The following CACNA1B variants were observed in gnomAD, a reference collection of about 807,000 sequenced individuals.
CACNA1B encodes the protein voltage-dependent N-type calcium channel subunit alpha-1B.
A neutral mutation model predicts 247.2 loss-of-function variants in CACNA1B; 70 were observed. The ratio of observed to expected loss-of-function variants is 0.28; its 90% CI spans 0.23 to 0.35. The LOEUF (loss-of-function observed/expected upper bound fraction) is 0.35. Ranked by LOEUF, CACNA1B falls within the 10% of genes least tolerant of loss-of-function variation. The pLI is 1.00. For synonymous variants in CACNA1B, 1,231 were observed against 1,294.4 expected (o/e 0.95, Z 1.05); for missense variants, 2,367 against 3,197.4 (o/e 0.74, Z 6.26).
intron 43 of CACNA1B, 66 bp from the exon 44 acceptor site, chr9:138,118,586 C>A (rs778402217): frequency 1.3e-5 from 10 of 772,668 alleles, no homozygotes; most frequent in Non-Finnish European, 1.7e-5. Flanking sequence ...GGAGTGAGTC[C>A]GGGGTGGGAT....
intron 3 of CACNA1B, among the ~76,000 whole-genome samples, chr9:137,906,639 G>A (rs1831157307): frequency 6.6e-6 from 1 of 151,846 alleles, no homozygotes; most frequent in Admixed American, 6.6e-5. Flanking sequence ...ATGCCCATGT[G>A]ATGTCTTATT....
intron 19 of CACNA1B, among the ~76,000 whole-genome samples, chr9:138,024,531 A>C (rs1210166772): frequency 1.3e-5 from 2 of 152,182 alleles, no homozygotes; most frequent in Non-Finnish European, 2.9e-5. Context: ...TAATTTAAAA[A>C]ACGTACAGAA....
chr9:138,042,025 C>T (rs1959130448), intron 20 of CACNA1B, among the ~76,000 whole-genome samples: 1 of 152,198 alleles, frequency 6.6e-6, no homozygotes, highest in African/African-American at 2.4e-5. Flanking sequence ...CCCACCTTGG[C>T]CTCCCAACGT....
chr9:137,906,613 A>G (rs994942595), intron 3 of CACNA1B, among the ~76,000 whole-genome samples: 1 of 147,076 alleles, frequency 6.8e-6, no homozygotes, highest in African/African-American at 2.5e-5. Flanking sequence ...ATGTCTTAAC[A>G]TACATGTTCC....
intron 31 of CACNA1B, among the ~76,000 whole-genome samples, chr9:138,064,337 C>T (rs1289288721): frequency 1.3e-5 from 2 of 152,162 alleles, no homozygotes; most frequent in African/African-American, 4.8e-5. Flanking sequence ...TGTCTGGACT[C>T]CTTCTTGTGT....
intron 15 of CACNA1B, among the ~76,000 whole-genome samples, chr9:137,991,326 A>G (rs1958429972): frequency 6.6e-6 from 1 of 152,244 alleles, no homozygotes; most frequent in South Asian, 2.1e-4. Flanking sequence ...AGCTGAAGAA[A>G]GAACTTCAGA....
In CACNA1B at chr9:138,059,861, A is replaced by G. The variant is rs948776425; in HGVS notation, c.4668+124A>G. ...CTGGGTTCCGCAGAACCCCCTGGAC[A>G]TGTGGAGGCTTCGCTCCAGGGGTGG... is the stretch of plus-strand genomic sequence containing the variant. On this transcript the variant is annotated intron_variant, in intron 31 of 46. Transcript: ENST00000371372. The surrounding 1 kb of genome is among the most constrained non-coding windows in gnomAD (Gnocchi z 4.2). 1.5e-5 allele frequency: 10 copies of G among 663,440 alleles called. No individual in the cohort carries two copies. Among genetic ancestry groups the G allele is most frequent in the African/African-American group, 3.6e-5 (2 of 55,284 alleles). 41.1% of individuals were successfully genotyped at this position (663,440 alleles called of 1,614,324 possible). A position where few individuals can be genotyped will look rare whatever the true frequency, so the allele number is the denominator to read the frequency against.
Position 138,012,797 on chromosome 9 carries a change from C to A in CACNA1B, c.2161-332C>A, listed in dbSNP as rs141685394. 6.6e-6 allele frequency among the ~76,000 whole-genome samples: 1 copy of A among 151,752 alleles called. No individual in the cohort carries two copies. Among genetic ancestry groups the A allele is most frequent in the Non-Finnish European group, 1.5e-5 (1 of 67,968 alleles). ...GTGGCTGGGTACCTGGGTTAGAGCT[C>A]AGAGTAAGGTCAGGATAGCACAGAG... is the stretch of plus-strand genomic sequence containing the variant. On this transcript the variant is annotated intron_variant, in intron 17 of 46. Coordinates refer to ENST00000371372, the MANE Select transcript of CACNA1B (RefSeq NM_000718.4). This position sits in a 1 kb window ranked among gnomAD's most constrained non-coding sequence, Gnocchi z 4.2.
chr9:138,035,949 A>C (rs1959037207), intron 20 of CACNA1B, among the ~76,000 whole-genome samples: 1 of 152,090 alleles, frequency 6.6e-6, no homozygotes. Context: ...TTCTTGTTTG[A>C]TTCATGAGTT....
Position 137,957,756 on chromosome 9 carries a change from C to A in CACNA1B, c.1333+69C>A. ...GACATGGAGTGCATGCTCCGCTTCC[C>A]CTGCTACCCAGCCACTGTTGGACGC... On this transcript the variant is annotated intron_variant, in intron 10 of 46. Transcript: ENST00000371372. This position sits in a 1 kb window ranked among gnomAD's most constrained non-coding sequence, Gnocchi z 4.7. 8.9e-7 allele frequency: 1 copy of A among 1,129,760 alleles called. No individual in the cohort carries two copies. The highest frequency in any genetic ancestry group is 1.6e-5 in the South Asian group (1 of 62,894). The allele number at this position is 1,129,760 out of a possible 1,614,324, so 70.0% of individuals were successfully genotyped here. A position where few individuals can be genotyped will look rare whatever the true frequency, so the allele number is the denominator to read the frequency against.
chr9:137,979,554 T>G (rs1165492746), intron 12 of CACNA1B, among the ~76,000 whole-genome samples: 2 of 152,176 alleles, frequency 1.3e-5, no homozygotes, highest in Non-Finnish European at 2.9e-5. Flanking sequence ...GCAGGTATTA[T>G]GCAAGGATGT....
intron 5 of CACNA1B, among the ~76,000 whole-genome samples, chr9:137,915,195 C>G (rs1176582742): frequency 6.6e-6 from 1 of 152,138 alleles, no homozygotes; most frequent in African/African-American, 2.4e-5. Flanking sequence ...GGTGCAAAGG[C>G]CTATGGTGCG....
chr9:137,971,398 G>A lies in CACNA1B; in HGVS notation c.1349G>A (p.Arg450His), dbSNP rs751010507. 7 of 1,611,950 alleles carry A rather than the reference G, an allele frequency of 4.3e-6. No individual in the cohort carries two copies. Among genetic ancestry groups the A allele is most frequent in the East Asian group, 2.2e-5 (1 of 44,776 alleles). ...ATCCCCTCAGGATCCCCCTTCGCCC[G>A]CGCCAGCCTCAAGAGCGGGAAGACA... ...DLCAVGSPFA[R>H]ASLKSGKTES... The change falls in exon 11 of 47, where the codon CGC becomes CAC. Residue 450 changes from arginine (R) to histidine (H), a missense_variant. Arg to His is a conservative substitution (Grantham distance 29). This residue lies in a region of CACNA1B where 219 missense variants were observed against 297.6 expected (regional missense o/e 0.74). Transcript: ENST00000371372. This position sits in a 1 kb window ranked among gnomAD's most constrained non-coding sequence, Gnocchi z 4.4.
intron 18 of CACNA1B, among the ~76,000 whole-genome samples, chr9:138,016,253 GT>G (rs1175690830): frequency 2.0e-5 from 3 of 152,224 alleles, no homozygotes; most frequent in Non-Finnish European, 4.4e-5. Context: ...AAGTAAGCTG[GT>G]TTGACTGCCC....
At chr9:137,879,530 T>G (rs984954142) in intron 2 of CACNA1B, among the ~76,000 whole-genome samples, 1 of 152,264 alleles carries the variant, frequency 6.6e-6, no homozygotes, top group Non-Finnish European at 1.5e-5. Context: ...ATGCCATGTG[T>G]GCCCTGCTGG....
At chr9:138,103,304 C>T (rs1031387297) in intron 38 of CACNA1B, among the ~76,000 whole-genome samples, 1 of 152,198 alleles carries the variant, frequency 6.6e-6, no homozygotes, top group East Asian at 1.9e-4. Context: ...CCCAGCTCAG[C>T]AAGTGCAGAG....
intron 39 of CACNA1B, among the ~76,000 whole-genome samples, chr9:138,108,579 G>A (rs1961516906): frequency 6.6e-6 from 1 of 151,934 alleles, no homozygotes; most frequent in Admixed American, 6.6e-5. Flanking sequence ...GACCAGAAAA[G>A]AAAACTACAG....
Position 138,053,839 on chromosome 9 carries a change from C to T in CACNA1B, c.3808-7C>T, listed in dbSNP as rs1437605498. The T allele has an allele frequency of 1.2e-6, 2 of 1,610,994 alleles. No individual in the cohort carries two copies. Among genetic ancestry groups the T allele is most frequent in the South Asian group, 1.1e-5 (1 of 90,938 alleles). On this transcript the variant is annotated splice_region_variant and splice_polypyrimidine_tract_variant and intron_variant, in intron 25 of 46. Coordinates refer to ENST00000371372, the MANE Select transcript of CACNA1B (RefSeq NM_000718.4). ...CCCTCATCATGGCTCCACCCCTCCT[C>T]CTGCAGGCTGTGTTTGACTGTGTGG...
chr9:138,001,882 A>G (rs1041845160), intron 15 of CACNA1B, among the ~76,000 whole-genome samples: 9 of 152,238 alleles, frequency 5.9e-5, no homozygotes, highest in South Asian at 2.1e-4. Flanking sequence ...TGCAGTAATT[A>G]TGAAATGTCA....
Sources: allele counts gnomAD v4.1 joint callset (sites outside exome capture counted in the v4.1 genomes callset), GRCh38; gene constraint gnomAD v4.1.1; regional missense constraint gnomAD v4.1.1; non-coding constraint Gnocchi (gnomAD v3.1); transcripts MANE v1.5; gene names NCBI Gene and HGNC (gene_info 2026-07-23, HGNC 2026-07-21).